PCDHA9: variants seen among roughly 807,000 people sequenced by gnomAD.
PCDHA9 encodes protocadherin alpha 9.
PCDHA9 carries 62 observed loss-of-function variants against 62.0 expected under a neutral mutation model. The ratio of observed to expected loss-of-function variants is 1.00; its 90% CI spans 0.81 to 1.23. The LOEUF (loss-of-function observed/expected upper bound fraction) is 1.23. PCDHA9 is among the 50% of genes most tolerant of loss of function. The pLI, the probability that PCDHA9 is intolerant of heterozygous loss-of-function variation, is 0.00. For synonymous variants in PCDHA9, 557 were observed against 567.6 expected, an observed-to-expected ratio of 0.98 and a Z score of 0.27; for missense variants, 1,205 against 1,249.8, an observed-to-expected ratio of 0.96 and a Z score of 0.54.
chr5:140,895,442 C>T (rs2065008027), intron 1 of PCDHA9, among the ~76,000 whole-genome samples: 1 of 152,148 alleles, frequency 6.6e-6, no homozygotes. Context: ...AGACTCTTTT[C>T]ATGTGCTTAT....
chr5:140,857,654 G>C, intron 1 of PCDHA9: 1 of 1,596,766 alleles, frequency 6.3e-7, no homozygotes, highest in South Asian at 1.1e-5. Flanking sequence ...CCAGGTGAGC[G>C]CGCGCGATGG....
At chr5:140,946,032 A>C (rs1440402875) in intron 1 of PCDHA9, among the ~76,000 whole-genome samples, 2 of 152,102 alleles carry the variant, frequency 1.3e-5, no homozygotes, top group Admixed American at 1.3e-4. Flanking sequence ...AGAAAACAAG[A>C]GTGAAGGGAC....
At position 141,009,998 on chromosome 5, in the gene PCDHA9, T is replaced by C. The variant is rs1046818514; in HGVS notation, c.*61T>C. 6 of 1,575,876 alleles carry C rather than the reference T, an allele frequency of 3.8e-6. No individual in the cohort carries two copies. The African/African-American group carries it at 5.5e-5, about 14-fold the overall frequency. ...TTGTAATAATGGCAAATCTCTCCCA[T>C]GTAGCAATTCCCTGCTCCTTTTTCC... is the stretch of plus-strand genomic sequence containing the variant. On this transcript the variant is annotated 3_prime_UTR_variant, in exon 4 of 4. Transcript: ENST00000532602.
intron 1 of PCDHA9, chr5:140,876,400 T>G: frequency 1.2e-6 from 2 of 1,613,928 alleles, no homozygotes; most frequent in Non-Finnish European, 1.7e-6. Context: ...TGAACTGGAT[T>G]TTGAAGAGAA....
At chr5:140,925,978 T>G (rs2082847274) in intron 1 of PCDHA9, among the ~76,000 whole-genome samples, 1 of 152,164 alleles carries the variant, frequency 6.6e-6, no homozygotes, top group Admixed American at 6.5e-5. Flanking sequence ...AAAAAAGCCT[T>G]GAGCTCGCTG....
intron 1 of PCDHA9, chr5:140,870,490 G>A (rs372818492): frequency 7.8e-5 from 126 of 1,614,116 alleles, no homozygotes; most frequent in Non-Finnish European, 1.1e-4. Context: ...CACCGTGTTC[G>A]TGAAGGAGAA....
chr5:140,966,909 T>C, intron 1 of PCDHA9: 1 of 1,601,466 alleles, frequency 6.2e-7, no homozygotes, highest in Non-Finnish European at 8.5e-7. Context: ...CGATACTCTG[T>C]GCCAGAGGAG....
intron 1 of PCDHA9, chr5:140,876,900 G>T: frequency 1.2e-6 from 2 of 1,614,114 alleles, no homozygotes; most frequent in East Asian, 2.2e-5. Context: ...ACATCTTCAC[G>T]GTGTCGGCAT....
At chr5:140,935,732 A>G (rs933243274) in intron 1 of PCDHA9, among the ~76,000 whole-genome samples, 3 of 152,212 alleles carry the variant, frequency 2.0e-5, no homozygotes, top group African/African-American at 4.8e-5. Flanking sequence ...GAAGTCTAGT[A>G]TCTATTATTC....
At position 140,967,566 on chromosome 5, in the gene PCDHA9, G is replaced by T. The variant is rs1586227015; in HGVS notation, c.2395-11383G>T. The stretch of plus-strand genomic sequence containing the variant: ...CAGTCCACTTATCGCGTCCAGCTAC[G>T]GGAGGACTCACCCCCAGGCACATTG... On this transcript the variant is annotated intron_variant, in intron 1 of 3. Coordinates refer to ENST00000532602, the MANE Select transcript of PCDHA9 (RefSeq NM_031857.2). 6 of 1,614,060 alleles carry T rather than the reference G, an allele frequency of 3.7e-6. No homozygotes were observed. In the East Asian group the frequency reaches 1.3e-4, roughly 36 times the overall value.
chr5:140,980,395 G>T (rs182782153), intron 2 of PCDHA9, among the ~76,000 whole-genome samples: 4 of 152,316 alleles, frequency 2.6e-5, no homozygotes, highest in Non-Finnish European at 5.9e-5. Context: ...ACTTTGGGAG[G>T]CCGAGGTGGG....
At chr5:140,897,863 T>C (rs1432232591) in intron 1 of PCDHA9, among the ~76,000 whole-genome samples, 6 of 152,206 alleles carry the variant, frequency 3.9e-5, no homozygotes, top group Admixed American at 3.9e-4. Flanking sequence ...GTTTCCTGAC[T>C]TTTTAATGAT....
chr5:141,006,351 A>G (rs537027677), intron 3 of PCDHA9, among the ~76,000 whole-genome samples: 1 of 151,966 alleles, frequency 6.6e-6, no homozygotes, highest in Non-Finnish European at 1.5e-5. Flanking sequence ...AGCTGGGACT[A>G]TAGGCGCCCA....
chr5:140,987,106 C>T (rs113308102), intron 3 of PCDHA9, among the ~76,000 whole-genome samples: 4,830 of 151,440 alleles, frequency 0.032, 263 homozygotes, highest in African/African-American at 0.11. Context: ...CCCAGCTACT[C>T]GGGAGGCTGA....
intron 1 of PCDHA9, chr5:140,883,404 C>A: frequency 6.2e-7 from 1 of 1,614,222 alleles, no homozygotes; most frequent in Non-Finnish European, 8.5e-7. Context: ...GATCGTGACT[C>A]TGGCTCAAAT....
At chr5:140,958,667 TA>T (rs1310790364) in intron 1 of PCDHA9, among the ~76,000 whole-genome samples, 1 of 152,186 alleles carries the variant, frequency 6.6e-6, no homozygotes, top group African/African-American at 2.4e-5. Context: ...GATGAAATTT[TA>T]ATTATAAAGG....
chr5:140,898,414 C>T (rs1554187972), intron 1 of PCDHA9, among the ~76,000 whole-genome samples: 1 of 152,170 alleles, frequency 6.6e-6, no homozygotes, highest in Non-Finnish European at 1.5e-5. Flanking sequence ...ATACGGCTAG[C>T]CAGTTTTCCC....
intron 1 of PCDHA9, chr5:140,883,595 G>C: frequency 6.2e-7 from 1 of 1,614,036 alleles, no homozygotes; most frequent in Non-Finnish European, 8.5e-7. Flanking sequence ...CAGCGTGTCG[G>C]TGGGGGTGGC....
At chr5:140,924,944 TAA>T (rs11334471) in intron 1 of PCDHA9, among the ~76,000 whole-genome samples, 87 of 142,948 alleles carry the variant, frequency 6.1e-4, no homozygotes, top group African/African-American at 2.0e-3. Flanking sequence ...AATAAAAAGT[TAA>T]AAAAAAAATG....
Sources: allele counts gnomAD v4.1 joint callset (sites outside exome capture counted in the v4.1 genomes callset), GRCh38; gene constraint gnomAD v4.1.1; transcripts MANE v1.5; gene names NCBI Gene and HGNC (gene_info 2026-07-23, HGNC 2026-07-21).